The following GRM8 variants were observed in gnomAD, a reference collection of about 807,000 sequenced individuals.
GRM8 encodes glutamate metabotropic receptor 8, also known as metabotropic glutamate receptor 8.
GRM8 carries 47 observed loss-of-function variants against 87.2 expected under a neutral mutation model. That is an observed-to-expected ratio of 0.54 (90% CI 0.43 to 0.69). GRM8 has a LOEUF of 0.69. GRM8 is among the 30% of genes least tolerant of loss of function. The pLI, the probability that GRM8 is intolerant of heterozygous loss-of-function variation, is 0.00. For missense variants in GRM8, 1,019 were observed against 1,139.2 expected (o/e 0.89, Z 1.52); for synonymous variants, 396 against 404.5 (o/e 0.98, Z 0.25).
chr7:126,942,714 G>T (rs887660982), intron 3 of GRM8, among the ~76,000 whole-genome samples: 10 of 152,150 alleles, frequency 6.6e-5, no homozygotes, highest in African/African-American at 2.2e-4. Context: ...AAGAATCAGG[G>T]TGTGGTCCAG....
chr7:127,203,304 A>C (rs951086609), intron 2 of GRM8, among the ~76,000 whole-genome samples: 7 of 152,154 alleles, frequency 4.6e-5, no homozygotes, highest in African/African-American at 1.7e-4. Flanking sequence ...GGGCTGAAAA[A>C]CTACCTATTG....
At chr7:127,043,164 G>A (rs1000069715) in intron 3 of GRM8, among the ~76,000 whole-genome samples, 1 of 152,208 alleles carries the variant, frequency 6.6e-6, no homozygotes, top group African/African-American at 2.4e-5. Flanking sequence ...TACACTGTTG[G>A]TGGGACTGTA....
At chr7:126,560,693 C>T (rs543459006) in intron 8 of GRM8, among the ~76,000 whole-genome samples, 16 of 152,214 alleles carry the variant, frequency 1.1e-4, no homozygotes, top group African/African-American at 3.6e-4. Context: ...TGCAATAATT[C>T]TATAAATATC....
intron 7 of GRM8, among the ~76,000 whole-genome samples, chr7:126,724,438 G>A (rs1303176128): frequency 6.6e-6 from 1 of 152,120 alleles, no homozygotes; most frequent in Non-Finnish European, 1.5e-5. Context: ...GTCACTGTGT[G>A]AAAGGAACCT....
At chr7:126,738,316 G>A (rs1054006253) in intron 7 of GRM8, among the ~76,000 whole-genome samples, 9 of 152,046 alleles carry the variant, frequency 5.9e-5, no homozygotes, top group African/African-American at 1.9e-4. Flanking sequence ...GCTGCTGCAC[G>A]TAGCCCACTA....
At chr7:126,954,183 C>T (rs1334265082) in intron 3 of GRM8, among the ~76,000 whole-genome samples, 1 of 152,146 alleles carries the variant, frequency 6.6e-6, no homozygotes, top group Non-Finnish European at 1.5e-5. Flanking sequence ...AGGTAGGAGA[C>T]ACACACCCTT....
At chr7:126,848,312 T>C (rs1796893891) in intron 6 of GRM8, among the ~76,000 whole-genome samples, 1 of 152,160 alleles carries the variant, frequency 6.6e-6, no homozygotes, top group Admixed American at 6.6e-5. Context: ...CATACGACTA[T>C]TGTGTTATTG....
chr7:126,544,856 G>C (rs944318434), intron 8 of GRM8, among the ~76,000 whole-genome samples: 1 of 152,038 alleles, frequency 6.6e-6, no homozygotes, highest in South Asian at 2.1e-4. Context: ...AACTCTGCAG[G>C]TTCCTTTATT....
intron 2 of GRM8, among the ~76,000 whole-genome samples, chr7:127,152,742 C>T (rs1792473648): frequency 1.3e-5 from 2 of 152,106 alleles, no homozygotes; most frequent in South Asian, 4.2e-4. Context: ...ATTGGAGATG[C>T]ATCTGATGAC....
chr7:126,731,649 C>G (rs186603255), intron 7 of GRM8, among the ~76,000 whole-genome samples: 2 of 152,122 alleles, frequency 1.3e-5, no homozygotes, highest in Non-Finnish European at 2.9e-5. Context: ...ACAATACCAC[C>G]AGGAATAAGT....
intron 3 of GRM8, among the ~76,000 whole-genome samples, chr7:127,044,971 T>A (rs1053886238): frequency 7.2e-5 from 11 of 152,192 alleles, no homozygotes; most frequent in African/African-American, 2.7e-4. Flanking sequence ...TGCAAATGAA[T>A]TTATACTCCC....
At chr7:127,054,080 C>T (rs1819748655) in intron 3 of GRM8, among the ~76,000 whole-genome samples, 1 of 152,052 alleles carries the variant, frequency 6.6e-6, no homozygotes, top group South Asian at 2.1e-4. Context: ...AATATTAATA[C>T]CCAAAAGATA....
At chr7:126,751,078 G>T (rs559772670) in intron 7 of GRM8, among the ~76,000 whole-genome samples, 1 of 152,080 alleles carries the variant, frequency 6.6e-6, no homozygotes, top group South Asian at 2.1e-4. Context: ...TAGAAATAAT[G>T]CCTAGAAATC....
chr7:127,102,294 A>G (rs1825360269), intron 3 of GRM8, among the ~76,000 whole-genome samples: 1 of 152,240 alleles, frequency 6.6e-6, no homozygotes, highest in African/African-American at 2.4e-5. Context: ...AAGCTTTTTC[A>G]GGAGAAGAAT....
At chr7:126,977,906 A>T (rs1374110618) in intron 3 of GRM8, among the ~76,000 whole-genome samples, 7 of 152,320 alleles carry the variant, frequency 4.6e-5, no homozygotes, top group Non-Finnish European at 8.8e-5. Flanking sequence ...AATAAAAATA[A>T]ATTTTAAAGT....
chr7:126,953,950 C>T (rs1229276771), intron 3 of GRM8, among the ~76,000 whole-genome samples: 2 of 152,062 alleles, frequency 1.3e-5, no homozygotes, highest in East Asian at 1.9e-4. Flanking sequence ...TAAGAGAAAC[C>T]TAACTAGGAC....
At chr7:126,750,698 T>C (rs1258807689) in intron 7 of GRM8, among the ~76,000 whole-genome samples, 1 of 152,152 alleles carries the variant, frequency 6.6e-6, no homozygotes, top group Non-Finnish European at 1.5e-5. Context: ...AGTTCCTGTT[T>C]TCACTTTTCT....
intron 6 of GRM8, among the ~76,000 whole-genome samples, chr7:126,847,800 T>C (rs1002301740): frequency 2.0e-5 from 3 of 152,180 alleles, no homozygotes; most frequent in Non-Finnish European, 4.4e-5. Context: ...AATATGGACC[T>C]CATCTCCACG....
intron 9 of GRM8, among the ~76,000 whole-genome samples, chr7:126,521,378 G>T (rs1297544295): frequency 6.6e-6 from 1 of 151,790 alleles, no homozygotes; most frequent in Non-Finnish European, 1.5e-5. Flanking sequence ...TGCAATTTTT[G>T]AACTATTTTT....
Sources: allele counts gnomAD v4.1 joint callset (sites outside exome capture counted in the v4.1 genomes callset), GRCh38; gene constraint gnomAD v4.1.1; transcripts MANE v1.5; gene names NCBI Gene and HGNC (gene_info 2026-07-23, HGNC 2026-07-21).